Variants in PCDHA5 observed in about 807,000 individuals in gnomAD.
PCDHA5 encodes the protein protocadherin alpha-5.
Under a neutral mutation model 61.6 loss-of-function variants are expected in PCDHA5, and 43 were observed. The observed-to-expected ratio is 0.70, with a 90% CI of 0.55 to 0.90. PCDHA5 has a LOEUF of 0.90. Ranked by LOEUF, PCDHA5 falls within the 40% of genes least tolerant of loss-of-function variation. PCDHA5 has a pLI of 0.00. For missense variants in PCDHA5, 1,298 were observed against 1,222.7 expected (o/e 1.06, Z -0.92); for synonymous variants, 627 against 543.9 (o/e 1.15, Z -2.13).
chr5:140,866,864 G>T (rs1217408755), intron 1 of PCDHA5: 1 of 152,050 alleles, frequency 6.6e-6, no homozygotes, highest in African/African-American at 2.4e-5. Context: ...GTATTGAAAT[G>T]ACTTCTTGGT....
intron 3 of PCDHA5, among the ~76,000 whole-genome samples, chr5:140,996,992 T>A (rs565740982): frequency 3.9e-5 from 6 of 152,324 alleles, no homozygotes; most frequent in African/African-American, 1.4e-4. Flanking sequence ...CAACCACTGT[T>A]AACAATTTTG....
chr5:140,973,167 C>A (rs554202231), intron 1 of PCDHA5, among the ~76,000 whole-genome samples: 44 of 152,284 alleles, frequency 2.9e-4, no homozygotes, highest in Admixed American at 2.4e-3. Context: ...TTTGTAGTCA[C>A]CAAACCTTCA....
At chr5:140,835,513 G>A in intron 1 of PCDHA5, 1 of 1,613,936 alleles carries the variant, frequency 6.2e-7, no homozygotes, top group Non-Finnish European at 8.5e-7. Context: ...GTGTTTGACC[G>A]AGATTTTGGA....
intron 1 of PCDHA5, chr5:140,862,735 G>T: frequency 1.7e-6 from 1 of 574,782 alleles, no homozygotes. Flanking sequence ...GTCTAGCTAT[G>T]TGTGGGTGCA....
intron 1 of PCDHA5, among the ~76,000 whole-genome samples, chr5:140,894,188 A>AT (rs1157134749): frequency 1.1e-4 from 17 of 152,072 alleles, no homozygotes; most frequent in African/African-American, 4.1e-4. Flanking sequence ...ATAGTTATAT[A>AT]TTTTTTCTAT....
In PCDHA5 at chr5:140,854,136, C is replaced by T. The variant is rs1341561455; in HGVS notation, c.2352+30009C>T. 15 of 398,606 alleles carry T rather than the reference C, an allele frequency of 3.8e-5. 1 individual carries two copies. The highest frequency in any genetic ancestry group is 1.0e-4 in the South Asian group (1 of 9,692). 24.7% of individuals were successfully genotyped at this position (398,606 alleles called of 1,614,324 possible). ...GTGATGGCACAACTGCATTTCAGCCCGGGTGACAGCAAGATTCTGTCTCAA... is the reference window on the plus strand; with the variant it reads ...GTGATGGCACAACTGCATTTCAGCCTGGGTGACAGCAAGATTCTGTCTCAA... On this transcript the variant is annotated intron_variant, in intron 1 of 3. Transcript: ENST00000529859.
chr5:140,826,590 A>T (rs2150144335), intron 1 of PCDHA5, among the ~76,000 whole-genome samples: 2 of 152,128 alleles, frequency 1.3e-5, no homozygotes, highest in East Asian at 3.8e-4. Context: ...AATGGATAAC[A>T]TTAAGGTTAA....
chr5:140,928,473 C>T (rs782009999), intron 1 of PCDHA5: 1 of 1,613,978 alleles, frequency 6.2e-7, no homozygotes, highest in Admixed American at 1.7e-5. Context: ...AAGTAGAAGG[C>T]CGGGATGGTG....
Position 140,978,973 on chromosome 5 carries a change from C to T in PCDHA5, c.2377C>T (p.Arg793Cys), listed in dbSNP as rs141879545. Residue 793 changes from arginine (R) to cysteine (C), a missense_variant, in exon 2 of 4, where the codon CGT becomes TGT. Transcript: ENST00000529859. ...GCCACGACAGCCCAACCCTGACTGG[C>T]GTTACTCTGCCTCCCTGAGAGCAGG... is the stretch of plus-strand genomic sequence containing the variant. ...DNPRQPNPDW[R>C]YSASLRAGMH... 1.5e-5 allele frequency: 24 copies of T among 1,614,060 alleles called. No individual in the cohort carries two copies. Among genetic ancestry groups the T allele is most frequent in the Middle Eastern group, 3.3e-4 (2 of 6,084 alleles).
intron 1 of PCDHA5, among the ~76,000 whole-genome samples, chr5:140,831,543 T>C: frequency 8.4e-6 from 1 of 118,834 alleles, no homozygotes; most frequent in East Asian, 2.4e-4. Flanking sequence ...TTTTTTTTTT[T>C]TAAGAGATGG....
rs2150480213 is a variant in PCDHA5, at chr5:140,850,340, G to C, written c.2352+26213G>C. 0.013 allele frequency: 21,012 copies of C among 1,597,592 alleles called. 2,634 individuals are homozygous for C. The African/African-American group carries it at 0.2, about 15-fold the overall frequency. Reference sequence around the variant, plus strand: ...TTTCATACGAGCTGCAGCCAGAAACGGCCAGCGCGAGCATCCCGTTCCGCG... The same window carrying C: ...TTTCATACGAGCTGCAGCCAGAAACCGCCAGCGCGAGCATCCCGTTCCGCG... On this transcript the variant is annotated intron_variant, in intron 1 of 3. Coordinates refer to ENST00000529859, the MANE Select transcript of PCDHA5 (RefSeq NM_018908.3).
At chr5:140,828,215 G>T in intron 1 of PCDHA5, 2 of 1,614,016 alleles carry the variant, frequency 1.2e-6, no homozygotes, top group Middle Eastern at 1.7e-4. Context: ...GGCCAAACAC[G>T]GCACCTTCGT....
chr5:140,828,909 C>A (rs2150160610), intron 1 of PCDHA5: 4 of 1,614,190 alleles, frequency 2.5e-6, no homozygotes, highest in South Asian at 1.1e-5. Context: ...GATGAAGGAG[C>A]GAATGGGGCA....
intron 3 of PCDHA5, among the ~76,000 whole-genome samples, chr5:141,004,743 T>G (rs1554259718): frequency 6.6e-6 from 1 of 152,182 alleles, no homozygotes; most frequent in Admixed American, 6.5e-5. Flanking sequence ...CTCTTTTGTC[T>G]CAGTCTCTTA....
intron 1 of PCDHA5, among the ~76,000 whole-genome samples, chr5:140,915,719 T>C (rs545655335): frequency 6.6e-6 from 1 of 152,074 alleles, no homozygotes; most frequent in African/African-American, 2.4e-5. Context: ...GCCCCCACTT[T>C]GGATTGTGCT....
At chr5:140,889,724 T>C (rs1198530950) in intron 1 of PCDHA5, among the ~76,000 whole-genome samples, 6 of 152,216 alleles carry the variant, frequency 3.9e-5, no homozygotes, top group African/African-American at 1.4e-4. Context: ...TGCTACTGTC[T>C]CACTGAGTAG....
At chr5:140,867,350 T>C (rs1357404505) in intron 1 of PCDHA5, 1 of 152,128 alleles carries the variant, frequency 6.6e-6, no homozygotes, top group African/African-American at 2.4e-5. Flanking sequence ...GCTACTATGA[T>C]TGATTATTTT....
At chr5:140,874,496 T>A (rs1352627184) in intron 1 of PCDHA5, among the ~76,000 whole-genome samples, 1 of 152,214 alleles carries the variant, frequency 6.6e-6, no homozygotes, top group Non-Finnish European at 1.5e-5. Context: ...TGATATCAAG[T>A]TCACATTCTC....
chr5:140,973,450 T>C (rs1326852534), intron 1 of PCDHA5, among the ~76,000 whole-genome samples: 1 of 152,250 alleles, frequency 6.6e-6, no homozygotes, highest in Non-Finnish European at 1.5e-5. Context: ...TTATAATGAC[T>C]GGGGCTGTTT....
Sources: gnomAD v4.1 joint callset for allele counts (sites outside exome capture counted in the v4.1 genomes callset) on GRCh38, gnomAD v4.1.1 for gene constraint, MANE v1.5 for transcripts, NCBI Gene and HGNC (gene_info 2026-07-23, HGNC 2026-07-21) for gene names.